The following BMPR2 variants were observed in gnomAD, a reference collection of about 807,000 sequenced individuals.
BMPR2 encodes the protein bone morphogenetic protein receptor type 2.
BMPR2 carries 29 observed loss-of-function variants against 100.8 expected under a neutral mutation model. That is an observed-to-expected ratio of 0.29 (90% CI 0.21 to 0.39). BMPR2 has a LOEUF of 0.39. Ranked by LOEUF, BMPR2 falls within the 10% of genes least tolerant of loss-of-function variation. BMPR2 has a pLI of 1.00. For missense variants in BMPR2, 1,011 were observed against 1,274.5 expected, an observed-to-expected ratio of 0.79 and a Z score of 3.15; for synonymous variants, 382 against 442.3, an observed-to-expected ratio of 0.86 and a Z score of 1.71.
intron 11 of BMPR2, among the ~76,000 whole-genome samples, chr2:202,554,087 A>G (rs557309960): frequency 2.0e-5 from 3 of 152,326 alleles, no homozygotes; most frequent in East Asian, 1.9e-4. Flanking sequence ...ATTAGTTTCA[A>G]ATATAAACTC....
chr2:202,411,001 TAGAA>T (rs1419109380), intron 1 of BMPR2, among the ~76,000 whole-genome samples: 2 of 152,072 alleles, frequency 1.3e-5, no homozygotes, highest in African/African-American at 2.4e-5. Context: ...AGTTAATAAA[TAGAA>T]GGAGTGATGG....
intron 3 of BMPR2, among the ~76,000 whole-genome samples, chr2:202,484,662 G>C (rs1249039500): frequency 7.2e-6 from 1 of 139,472 alleles, no homozygotes; most frequent in African/African-American, 2.7e-5. Flanking sequence ...GACACAGCGA[G>C]ACTCTGTCTC....
intron 7 of BMPR2, among the ~76,000 whole-genome samples, chr2:202,525,991 G>A (rs893921436): frequency 1.4e-5 from 2 of 146,630 alleles, no homozygotes; most frequent in African/African-American, 5.1e-5. Flanking sequence ...TCAGCCTCCC[G>A]AGTAGCTGGG....
chr2:202,423,305 G>A (rs1691308145), intron 1 of BMPR2, among the ~76,000 whole-genome samples: 2 of 152,244 alleles, frequency 1.3e-5, no homozygotes, highest in South Asian at 4.1e-4. Flanking sequence ...GAAGTTGGCA[G>A]TTTTTCCCAT....
At chr2:202,479,006 A>G (rs975717486) in intron 3 of BMPR2, among the ~76,000 whole-genome samples, 1 of 152,184 alleles carries the variant, frequency 6.6e-6, no homozygotes, top group Non-Finnish European at 1.5e-5. Context: ...ATGGTTCCCA[A>G]TGATCCCTGC....
intron 12 of BMPR2, 140 bp downstream of exon 12, chr2:202,556,671 G>T (rs1688578562): frequency 1.8e-6 from 2 of 1,124,214 alleles, no homozygotes. Context: ...TTGAGGCGGG[G>T]CACAGTGGCT....
intron 12 of BMPR2, 28 bp from the exon 13 acceptor site, chr2:202,559,667 AG>A: frequency 6.2e-7 from 1 of 1,611,870 alleles, no homozygotes; most frequent in East Asian, 2.2e-5. Context: ...TTTGTTAAAT[AG>A]CTCATTTTTC....
At chr2:202,472,530 A>C (rs1692456328) in intron 3 of BMPR2, among the ~76,000 whole-genome samples, 1 of 152,246 alleles carries the variant, frequency 6.6e-6, no homozygotes, top group South Asian at 2.1e-4. Flanking sequence ...ATGGTGGCGC[A>C]TGCCTGTAAT....
At chr2:202,447,497 C>T (rs1012986567) in intron 1 of BMPR2, among the ~76,000 whole-genome samples, 3 of 150,372 alleles carry the variant, frequency 2.0e-5, no homozygotes, top group Non-Finnish European at 2.9e-5. Context: ...TGCAAGAGGG[C>T]GAGACCCCAT....
chr2:202,546,638 C>G (rs995111336), intron 10 of BMPR2, among the ~76,000 whole-genome samples: 2 of 152,176 alleles, frequency 1.3e-5, no homozygotes, highest in African/African-American at 2.4e-5. Context: ...GAGTCTCGCT[C>G]TGTCACTCAG....
chr2:202,546,905 GT>G (rs957486369), intron 10 of BMPR2, among the ~76,000 whole-genome samples: 3 of 13,236 alleles, frequency 2.3e-4, no homozygotes, highest in African/African-American at 3.9e-4. Context: ...CCCAGCCGGT[GT>G]TTTGTTTTGT....
chr2:202,418,170 A>G lies in BMPR2; in HGVS notation c.76+40620A>G, dbSNP rs998160052. Among the ~76,000 whole-genome samples, 5 of 152,332 alleles carry G rather than the reference A, an allele frequency of 3.3e-5. No individual in the cohort carries two copies. In the East Asian group the frequency reaches 9.6e-4, roughly 29 times the overall value. ...GCAGTGTTCTGGAACTAAGCCTGCA[A>G]TATCACTGAGGTATGCTTGTATTTC... On this transcript the variant is annotated intron_variant, in intron 1 of 12. Coordinates refer to ENST00000374580, the MANE Select transcript of BMPR2 (RefSeq NM_001204.7).
chr2:202,480,701 C>T (rs1692641459), intron 3 of BMPR2, among the ~76,000 whole-genome samples: 1 of 151,810 alleles, frequency 6.6e-6, no homozygotes, highest in South Asian at 2.1e-4. Flanking sequence ...TGCCTGTAAT[C>T]CCAGCACTTT....
intron 1 of BMPR2, among the ~76,000 whole-genome samples, chr2:202,425,581 A>G (rs927806634): frequency 6.6e-6 from 1 of 152,218 alleles, no homozygotes; most frequent in East Asian, 1.9e-4. Context: ...ACTTTATTTA[A>G]CAGATATAGA....
At chr2:202,408,835 C>G (rs890133624) in intron 1 of BMPR2, among the ~76,000 whole-genome samples, 1 of 152,102 alleles carries the variant, frequency 6.6e-6, no homozygotes, top group Non-Finnish European at 1.5e-5. Flanking sequence ...AAACAATGGT[C>G]ATATAAGTAT....
At chr2:202,542,123 G>GA (rs956976392) in intron 9 of BMPR2, among the ~76,000 whole-genome samples, 188 bp from the exon 10 acceptor site, 8 of 148,550 alleles carry the variant, frequency 5.4e-5, no homozygotes, top group Non-Finnish European at 7.5e-5. Flanking sequence ...AAAAAAAAAA[G>GA]AAAAAAAAAT....
intron 1 of BMPR2, among the ~76,000 whole-genome samples, chr2:202,384,418 T>C (rs1574419385): frequency 6.6e-6 from 1 of 152,110 alleles, no homozygotes; most frequent in East Asian, 1.9e-4. Flanking sequence ...GGCCTAAGAA[T>C]TTTAGATGGA....
intron 1 of BMPR2, among the ~76,000 whole-genome samples, chr2:202,454,816 C>T (rs1692058910): frequency 1.3e-5 from 2 of 152,154 alleles, no homozygotes; most frequent in Non-Finnish European, 2.9e-5. Flanking sequence ...CTTGGACTGC[C>T]ACAACAAAAT....
chr2:202,438,725 T>C (rs1401669177), intron 1 of BMPR2, among the ~76,000 whole-genome samples: 1 of 150,684 alleles, frequency 6.6e-6, no homozygotes, highest in African/African-American at 2.5e-5. Flanking sequence ...GGCAATTTTT[T>C]CCCCATTGAA....
Sources: allele counts gnomAD v4.1 joint callset (sites outside exome capture counted in the v4.1 genomes callset), GRCh38; gene constraint gnomAD v4.1.1; transcripts MANE v1.5; gene names NCBI Gene and HGNC (gene_info 2026-07-23, HGNC 2026-07-21).